Variants in THRAP3 observed in about 807,000 individuals in gnomAD.
THRAP3 encodes thyroid hormone receptor associated protein 3.
Under a neutral mutation model 101.0 loss-of-function variants are expected in THRAP3, and 16 were observed. The observed-to-expected ratio is 0.16, with a 90% CI of 0.11 to 0.24. The LOEUF is 0.24. Among genes scored for constraint, THRAP3 ranks in the 10% least tolerant of loss-of-function variants. The pLI is 1.00. For synonymous variants in THRAP3, 407 were observed against 422.6 expected (o/e 0.96, Z 0.45); for missense variants, 989 against 1,202.7 (o/e 0.82, Z 2.63).
At position 36,305,091 on chromosome 1, in the gene THRAP3, G is replaced by C. The variant is rs1380280164; in HGVS notation, c.*1074G>C. The C allele has an allele frequency of 1.4e-5, 3 of 211,116 alleles. No individual in the cohort carries two copies. Among genetic ancestry groups the C allele is most frequent in the African/African-American group, 6.8e-5 (3 of 43,894 alleles). 13.1% of individuals were successfully genotyped at this position (211,116 alleles called of 1,614,324 possible). ...TGGGGGGAAACATCCTCTTAAAATG[G>C]GTCCTTGTGCTTGCCTTCTGGGGAG... is the stretch of plus-strand genomic sequence containing the variant. On this transcript the variant is annotated 3_prime_UTR_variant, in exon 12 of 12. Coordinates refer to ENST00000354618, the MANE Select transcript of THRAP3 (RefSeq NM_005119.4).
intron 1 of THRAP3, among the ~76,000 whole-genome samples, chr1:36,249,706 G>GTGTGTGTGTGTGTT (rs1645275307): frequency 1.3e-5 from 2 of 151,800 alleles, no homozygotes; most frequent in Non-Finnish European, 2.9e-5. Flanking sequence ...GTGTGTGTGT[G>GTGTGTGTGTGTGTT]TGTGTGTGTG....
rs144152498 is a variant in THRAP3, at chr1:36,232,537, C to T, written c.-135+8032C>T. ...TTAATCTATCGTGTTTCATCCTTCA[C>T]GTCTTTAGAGAGTAAGAGGGATTTG... On this transcript the variant is annotated intron_variant, in intron 1 of 11. Coordinates refer to ENST00000354618, the MANE Select transcript of THRAP3 (RefSeq NM_005119.4). Among the ~76,000 whole-genome samples, 25 of 152,272 alleles carry T rather than the reference C, an allele frequency of 1.6e-4. No homozygotes were observed. In the East Asian group the frequency reaches 4.2e-3, roughly 26 times the overall value.
At chr1:36,250,308 G>A (rs1364728536) in intron 1 of THRAP3, among the ~76,000 whole-genome samples, 1 of 151,610 alleles carries the variant, frequency 6.6e-6, no homozygotes, top group East Asian at 2.0e-4. Flanking sequence ...CCGCCTCCCG[G>A]GTTCAAGCAA....
intron 1 of THRAP3, among the ~76,000 whole-genome samples, chr1:36,236,684 G>C (rs1645093489): frequency 6.6e-6 from 1 of 152,182 alleles, no homozygotes; most frequent in African/African-American, 2.4e-5. Flanking sequence ...TCACAGAAGA[G>C]TTTCCGAATT....
intron 3 of THRAP3, among the ~76,000 whole-genome samples, chr1:36,284,724 G>C (rs1188768175): frequency 6.6e-6 from 1 of 152,152 alleles, no homozygotes; most frequent in Admixed American, 6.5e-5. Context: ...AGTATGCCCA[G>C]GGCCCTCACT....
intron 10 of THRAP3, among the ~76,000 whole-genome samples, chr1:36,301,315 C>G (rs1470194021): frequency 6.6e-6 from 1 of 152,180 alleles, no homozygotes. Flanking sequence ...CAGAACTTCC[C>G]CCACTTAACC....
chr1:36,216,270 A>T, the THRAP3 span, among the ~76,000 whole-genome samples: 1 of 151,942 alleles, frequency 6.6e-6, no homozygotes, highest in Non-Finnish European at 1.5e-5. Flanking sequence ...CTGTAATCCC[A>T]ACATTTTGAA....
chr1:36,274,190 T>G (rs1451684195), intron 2 of THRAP3, among the ~76,000 whole-genome samples: 1 of 152,104 alleles, frequency 6.6e-6, no homozygotes, highest in African/African-American at 2.4e-5. Flanking sequence ...CAATCGTAAG[T>G]AATTTCATTT....
chr1:36,223,470 A>G (rs1165331083), upstream of THRAP3, among the ~76,000 whole-genome samples: 1 of 152,214 alleles, frequency 6.6e-6, no homozygotes, highest in Non-Finnish European at 1.5e-5. Context: ...ACAGAGTAAG[A>G]TGCAAACTTA....
At chr1:36,244,337 C>T (rs1394080098) in intron 1 of THRAP3, among the ~76,000 whole-genome samples, 1 of 151,900 alleles carries the variant, frequency 6.6e-6, no homozygotes, top group African/African-American at 2.4e-5. Context: ...TTTCTGAACT[C>T]TGTGTCAAAT....
rs553734788 is a variant in THRAP3, at chr1:36,287,582, A to G, written c.1040+312A>G. The G allele has an allele frequency of 2.6e-5, 26 of 985,464 alleles. 1 individual carries two copies. In the South Asian group the frequency reaches 8.9e-4, roughly 34 times the overall value. 61.0% of individuals were successfully genotyped at this position (985,464 alleles called of 1,614,324 possible). A position where few individuals can be genotyped will look rare whatever the true frequency, so the allele number is the denominator to read the frequency against. ...AACAGTAGAGATTTGTGGGTCAGCT[A>G]TCAAAAAAAAGTATGGTCTTTGCCA... On this transcript the variant is annotated intron_variant, in intron 4 of 11. Transcript: ENST00000354618.
At chr1:36,270,509 GAGA>G (rs1173314111) in intron 2 of THRAP3, among the ~76,000 whole-genome samples, 1 of 151,584 alleles carries the variant, frequency 6.6e-6, no homozygotes, top group Admixed American at 6.6e-5. Flanking sequence ...GATTTACTGT[GAGA>G]AGATTTCCAA....
At chr1:36,276,574 A>G (rs973393375) in intron 2 of THRAP3, among the ~76,000 whole-genome samples, 3 of 150,144 alleles carry the variant, frequency 2.0e-5, no homozygotes, top group African/African-American at 7.3e-5. Flanking sequence ...AGAAAGTGTA[A>G]AGCTGGGCAT....
chr1:36,253,667 C>T (rs1162197952), intron 1 of THRAP3, among the ~76,000 whole-genome samples: 2 of 151,614 alleles, frequency 1.3e-5, no homozygotes, highest in African/African-American at 2.4e-5. Context: ...GATCATAGCT[C>T]ACTGCAACTT....
chr1:36,208,864 G>T, the THRAP3 span, among the ~76,000 whole-genome samples: 3 of 150,560 alleles, frequency 2.0e-5, no homozygotes, highest in African/African-American at 7.3e-5. Context: ...ACGGGGTTTC[G>T]CCATGTTGGC....
In THRAP3 at chr1:36,305,004, C is replaced by CT. The variant is rs369334345; in HGVS notation, c.*998dup. 0.011 allele frequency: 1,981 copies of CT among 185,418 alleles called. No homozygotes were observed. Among genetic ancestry groups the CT allele is most frequent in the East Asian group, 0.027 (284 of 10,416 alleles). 11.5% of individuals were successfully genotyped at this position (185,418 alleles called of 1,614,324 possible). A position where few individuals can be genotyped will look rare whatever the true frequency, so the allele number is the denominator to read the frequency against. On this transcript the variant is annotated 3_prime_UTR_variant, in exon 12 of 12. Coordinates refer to ENST00000354618, the MANE Select transcript of THRAP3 (RefSeq NM_005119.4). ...GTGGTTCAGGGGTTTTTTTGGGTTTCTTTTTTTTTTTCTTTGTCTTTTTAA... is the reference window on the plus strand; with the variant it reads ...GTGGTTCAGGGGTTTTTTTGGGTTTCTTTTTTTTTTTTCTTTGTCTTTTTAA...
chr1:36,260,442 C>T (rs543752055), intron 2 of THRAP3, among the ~76,000 whole-genome samples: 1 of 152,230 alleles, frequency 6.6e-6, no homozygotes, highest in African/African-American at 2.4e-5. Context: ...TTTTGCTTTA[C>T]AGTGTTTGTT....
intron 1 of THRAP3, among the ~76,000 whole-genome samples, chr1:36,241,333 GAA>G (rs1384766336): frequency 6.8e-6 from 1 of 146,596 alleles, no homozygotes; most frequent in African/African-American, 2.5e-5. Flanking sequence ...GCCCTAATGA[GAA>G]AAAAAATTGT....
intron 8 of THRAP3, chr1:36,294,260 A>G: frequency 9.2e-7 from 1 of 1,088,864 alleles, no homozygotes; most frequent in Non-Finnish European, 1.1e-6. Flanking sequence ...TATCAAATCA[A>G]CTGTATACAT....
Sources: allele counts gnomAD v4.1 joint callset (sites outside exome capture counted in the v4.1 genomes callset), GRCh38; gene constraint gnomAD v4.1.1; transcripts MANE v1.5; gene names NCBI Gene and HGNC (gene_info 2026-07-23, HGNC 2026-07-21).